The following DLGAP2 variants were observed in gnomAD, a reference collection of about 807,000 sequenced individuals.
DLGAP2 encodes DLG associated protein 2.
A neutral mutation model predicts 100.3 loss-of-function variants in DLGAP2; 26 were observed. The ratio of observed to expected loss-of-function variants is 0.26; its 90% confidence interval spans 0.19 to 0.36. The LOEUF is 0.36. Ranked by LOEUF, DLGAP2 falls within the 10% of genes least tolerant of loss-of-function variation. DLGAP2 has a pLI of 1.00. For missense variants in DLGAP2, 1,858 were observed against 1,453.2 expected (o/e 1.28, Z -4.53); for synonymous variants, 886 against 630.1 (o/e 1.41, Z -6.08).
intron 1 of DLGAP2, among the ~76,000 whole-genome samples, chr8:811,851 A>G (rs1201164730): frequency 6.6e-6 from 1 of 152,270 alleles, no homozygotes; most frequent in African/African-American, 2.4e-5. Context: ...TCGCTGAGCC[A>G]TGGGACCAAA....
intron 12 of DLGAP2, 139 bp downstream of exon 12, chr8:1,678,768 C>T: frequency 1.1e-6 from 1 of 881,998 alleles, no homozygotes; most frequent in Middle Eastern, 3.6e-4. Flanking sequence ...CTAGTATATC[C>T]CCCTCAATTC....
In DLGAP2 at chr8:1,467,156, G is replaced by A. The variant is rs543825712; in HGVS notation, c.107-34210G>A. On this transcript the variant is annotated intron_variant, in intron 3 of 14. Transcript: ENST00000637795. ...CCTGGGAGGGTCAGTCCCAGATCCAGCCAGAGGGAGGAGGGGTCCAGCAGG... is the reference window on the plus strand; with the variant it reads ...CCTGGGAGGGTCAGTCCCAGATCCAACCAGAGGGAGGAGGGGTCCAGCAGG... Among the ~76,000 whole-genome samples, 4 of 152,020 alleles carry A rather than the reference G, an allele frequency of 2.6e-5. No homozygotes were observed. In the South Asian group the frequency reaches 6.2e-4, roughly 24 times the overall value.
intron 3 of DLGAP2, among the ~76,000 whole-genome samples, chr8:1,333,642 C>G (rs868547564): frequency 3.3e-5 from 5 of 152,176 alleles, no homozygotes; most frequent in Non-Finnish European, 7.3e-5. Flanking sequence ...GAAAGGCACT[C>G]GGAGGTAATT....
chr8:1,686,670 A>G (rs543432044), intron 12 of DLGAP2, among the ~76,000 whole-genome samples: 1 of 147,472 alleles, frequency 6.8e-6, no homozygotes, highest in African/African-American at 2.5e-5. Context: ...GGGAGACCCC[A>G]TCCAAAAAAA....
At chr8:1,392,818 A>G (rs1796400756) in intron 3 of DLGAP2, among the ~76,000 whole-genome samples, 1 of 149,888 alleles carries the variant, frequency 6.7e-6, no homozygotes, top group African/African-American at 2.5e-5. Context: ...GGCATCTGTG[A>G]TTGGACTTTG....
intron 2 of DLGAP2, among the ~76,000 whole-genome samples, chr8:1,220,161 G>T (rs907949820): frequency 3.9e-5 from 6 of 151,946 alleles, no homozygotes; most frequent in Admixed American, 1.3e-4. Flanking sequence ...TTTGGGTTAG[G>T]TTTGCTCTTG....
At chr8:1,122,144 G>C (rs1192659569) in intron 2 of DLGAP2, among the ~76,000 whole-genome samples, 2 of 152,198 alleles carry the variant, frequency 1.3e-5, no homozygotes, top group Non-Finnish European at 2.9e-5. Context: ...GTTACCATCA[G>C]GTTCCGGTCT....
At chr8:1,173,568 T>G (rs1797179482) in intron 2 of DLGAP2, among the ~76,000 whole-genome samples, 1 of 152,214 alleles carries the variant, frequency 6.6e-6, no homozygotes, top group Non-Finnish European at 1.5e-5. Flanking sequence ...TTTGTTTACC[T>G]AAGCAAGCCT....
At chr8:1,021,016 A>G (rs1801609408) in intron 2 of DLGAP2, among the ~76,000 whole-genome samples, 1 of 152,232 alleles carries the variant, frequency 6.6e-6, no homozygotes, top group East Asian at 1.9e-4. Context: ...TAAAAGGAAT[A>G]GTCATTCCAA....
At chr8:904,766 C>T (rs1374551622) in intron 1 of DLGAP2, among the ~76,000 whole-genome samples, 3 of 152,166 alleles carry the variant, frequency 2.0e-5, no homozygotes, top group Admixed American at 1.3e-4. Flanking sequence ...CCGTGGCAGG[C>T]AGAACTCACG....
intron 2 of DLGAP2, among the ~76,000 whole-genome samples, chr8:1,041,391 T>C (rs1443392325): frequency 6.6e-6 from 1 of 152,212 alleles, no homozygotes; most frequent in Non-Finnish European, 1.5e-5. Flanking sequence ...ACATCCGCCC[T>C]GGCCAGAGGC....
chr8:1,432,651 T>C (rs1272050977), intron 3 of DLGAP2, among the ~76,000 whole-genome samples: 1 of 152,244 alleles, frequency 6.6e-6, no homozygotes, highest in African/African-American at 2.4e-5. Flanking sequence ...CATTTTCATA[T>C]TGAAGGCACT....
At chr8:928,102 TG>T (rs1798857829) in intron 2 of DLGAP2, among the ~76,000 whole-genome samples, 1 of 152,142 alleles carries the variant, frequency 6.6e-6, no homozygotes, top group African/African-American at 2.4e-5. Flanking sequence ...GTCCTGTGAC[TG>T]GGGAGGGCGC....
At chr8:778,062 T>C (rs1490253997) in intron 1 of DLGAP2, among the ~76,000 whole-genome samples, 1 of 152,090 alleles carries the variant, frequency 6.6e-6, no homozygotes, top group Non-Finnish European at 1.5e-5. Context: ...TTTATTCTTC[T>C]CTGAACTTCC....
intron 2 of DLGAP2, among the ~76,000 whole-genome samples, chr8:1,234,720 T>G (rs1249525773): frequency 1.3e-5 from 2 of 152,204 alleles, no homozygotes; most frequent in African/African-American, 4.8e-5. Context: ...GTGATTCTGT[T>G]GCACGTCACA....
At chr8:1,664,519 T>G (rs1303948504) in intron 8 of DLGAP2, among the ~76,000 whole-genome samples, 1 of 152,178 alleles carries the variant, frequency 6.6e-6, no homozygotes, top group African/African-American at 2.4e-5. Context: ...AAATGCTTCC[T>G]GAAATCAGCG....
At chr8:1,507,543 C>T (rs923181921) in intron 4 of DLGAP2, among the ~76,000 whole-genome samples, 7 of 152,142 alleles carry the variant, frequency 4.6e-5, no homozygotes, top group African/African-American at 1.7e-4. Context: ...GAGCCGGCTC[C>T]GGCCTCGGCC....
intron 4 of DLGAP2, among the ~76,000 whole-genome samples, chr8:1,538,648 C>T (rs570958380): frequency 3.3e-4 from 51 of 152,272 alleles, no homozygotes; most frequent in Admixed American, 3.1e-3. Flanking sequence ...CTTTCTGTTG[C>T]GAGTGTCTAG....
intron 2 of DLGAP2, among the ~76,000 whole-genome samples, chr8:1,070,359 C>G (rs572257520): frequency 6.6e-6 from 1 of 152,158 alleles, no homozygotes; most frequent in African/African-American, 2.4e-5. Flanking sequence ...CTGACATGGG[C>G]TCGTCCTGCC....
Sources: allele counts gnomAD v4.1 joint callset (sites outside exome capture counted in the v4.1 genomes callset), GRCh38; gene constraint gnomAD v4.1.1; transcripts MANE v1.5; gene names NCBI Gene and HGNC (gene_info 2026-07-23, HGNC 2026-07-21).